MAGI2: variants seen among roughly 807,000 people sequenced by gnomAD.
MAGI2 encodes membrane-associated guanylate kinase, WW and PDZ domain-containing protein 2.
Under a neutral mutation model 133.3 loss-of-function variants are expected in MAGI2, and 35 were observed. That is an observed-to-expected ratio of 0.26 (90% CI 0.20 to 0.35). The LOEUF (loss-of-function observed/expected upper bound fraction) is 0.35, where lower values mean the gene tolerates loss of function less well. Ranked by LOEUF, MAGI2 falls within the 10% of genes least tolerant of loss-of-function variation. The pLI is 1.00. For synonymous variants in MAGI2, 729 were observed against 710.6 expected, an observed-to-expected ratio of 1.03 and a Z score of -0.41; for missense variants, 1,636 against 1,863.4, an observed-to-expected ratio of 0.88 and a Z score of 2.25.
chr7:78,561,446 G>A (rs1401672636), intron 3 of MAGI2, among the ~76,000 whole-genome samples: 1 of 152,198 alleles, frequency 6.6e-6, no homozygotes, highest in African/African-American at 2.4e-5. Flanking sequence ...GTCACAAAGA[G>A]AGTGATCAGA....
intron 2 of MAGI2, among the ~76,000 whole-genome samples, chr7:78,655,454 C>CAAAAAAAAAAAAAAAAAAAAAAAAA: frequency 3.1e-5 from 2 of 64,946 alleles, no homozygotes; most frequent in African/African-American, 6.3e-5. Context: ...AAAAAACAAC[C>CAAAAAAAAAAAAAAAAAAAAAAAAA]AAAAAAAAAA....
At chr7:79,246,556 G>A (rs1832833860) in intron 1 of MAGI2, among the ~76,000 whole-genome samples, 1 of 152,044 alleles carries the variant, frequency 6.6e-6, no homozygotes, top group Admixed American at 6.5e-5. Context: ...TCAACCAAAA[G>A]AATGAATTAG....
intron 1 of MAGI2, among the ~76,000 whole-genome samples, chr7:79,308,769 ACT>A (rs1185603237): frequency 6.6e-6 from 1 of 152,162 alleles, no homozygotes; most frequent in Non-Finnish European, 1.5e-5. Context: ...GTGAAGAATA[ACT>A]CTCAAAGGCT....
intron 1 of MAGI2, among the ~76,000 whole-genome samples, chr7:79,313,397 T>C (rs1838447991): frequency 6.6e-6 from 1 of 152,132 alleles, no homozygotes; most frequent in Admixed American, 6.6e-5. Context: ...ATAGAACTCT[T>C]CCTGTTTCTT....
At chr7:79,405,856 A>C (rs1042223277) in intron 1 of MAGI2, among the ~76,000 whole-genome samples, 2 of 151,454 alleles carry the variant, frequency 1.3e-5, no homozygotes, top group African/African-American at 4.9e-5. Context: ...TTCTGATAAG[A>C]GACACATCAT....
chr7:78,652,227 T>C (rs1186909855), intron 2 of MAGI2, among the ~76,000 whole-genome samples: 1 of 152,172 alleles, frequency 6.6e-6, no homozygotes, highest in Non-Finnish European at 1.5e-5. Context: ...TCTCAAGTGA[T>C]TTCCTCACTT....
At chr7:78,553,887 C>T (rs759267981) in intron 3 of MAGI2, among the ~76,000 whole-genome samples, 7 of 151,998 alleles carry the variant, frequency 4.6e-5, no homozygotes, top group Admixed American at 6.6e-5. Flanking sequence ...GAGTAGGGCC[C>T]GGGGTAGTGG....
chr7:78,895,353 T>C (rs993471923), intron 2 of MAGI2, among the ~76,000 whole-genome samples: 1 of 152,140 alleles, frequency 6.6e-6, no homozygotes, highest in Non-Finnish European at 1.5e-5. Flanking sequence ...CTTTATAAAT[T>C]ACCCAGTCTC....
intron 7 of MAGI2, among the ~76,000 whole-genome samples, chr7:78,368,498 G>A (rs942414884): frequency 6.6e-6 from 1 of 152,094 alleles, no homozygotes; most frequent in Non-Finnish European, 1.5e-5. Flanking sequence ...TTTGGAGAGA[G>A]TTCTAGAAAA....
chr7:78,484,977 C>T (rs966486416), intron 6 of MAGI2: 1 of 151,920 alleles, frequency 6.6e-6, no homozygotes, highest in Non-Finnish European at 1.5e-5. Context: ...TGTGATCCTA[C>T]TGGGTTTAAT....
chr7:78,794,238 C>T (rs1173382698), intron 2 of MAGI2, among the ~76,000 whole-genome samples: 1 of 152,154 alleles, frequency 6.6e-6, no homozygotes, highest in African/African-American at 2.4e-5. Flanking sequence ...CCTGGTTAAT[C>T]CTGAGATGCG....
intron 1 of MAGI2, 62 bp from the exon 2 acceptor site, chr7:79,007,268 A>G: frequency 3.1e-6 from 3 of 955,826 alleles, no homozygotes; most frequent in Non-Finnish European, 5.0e-6. Flanking sequence ...ATGTAATTTG[A>G]TTCTGTCATC....
rs574271010 is a variant in MAGI2 at position 78,839,009 on chromosome 7, T to C, written c.418+168081A>G. Among the ~76,000 whole-genome samples the C allele has an allele frequency of 4.8e-4, 73 of 152,164 alleles. 1 individual carries two copies. The highest frequency in any genetic ancestry group is 1.6e-3 in the African/African-American group (68 of 41,540). Reference sequence around the variant, plus strand: ...GTTTGAAAGTCATCCAGCTTTCTTTTTGTACAAAGTTGTGAATGAAAGTAA... The same window carrying C: ...GTTTGAAAGTCATCCAGCTTTCTTTCTGTACAAAGTTGTGAATGAAAGTAA... On this transcript the variant is annotated intron_variant, in intron 2 of 21. Coordinates refer to ENST00000354212, the MANE Select transcript of MAGI2 (RefSeq NM_012301.4).
chr7:79,318,195 A>G (rs2129561338), intron 1 of MAGI2, among the ~76,000 whole-genome samples: 1 of 152,278 alleles, frequency 6.6e-6, no homozygotes, highest in Non-Finnish European at 1.5e-5. Flanking sequence ...AATCACCTCT[A>G]TATATTCAGG....
rs10526268 is a variant in MAGI2 at position 78,903,172 on chromosome 7, C to CTTTTTTTTTTTTTT, written c.418+103904_418+103917dup. On this transcript the variant is annotated intron_variant, in intron 2 of 21. Transcript: ENST00000354212. ...TTCATGCAAGTGGGAGTTCCTGAAT[C>CTTTTTTTTTTTTTT]TTTTTTTTTTTTTTTTTTTTTTTTT... is the stretch of plus-strand genomic sequence containing the variant. Among the ~76,000 whole-genome samples, 16 of 56,120 alleles carry CTTTTTTTTTTTTTT rather than the reference C, an allele frequency of 2.9e-4. 3 individuals are homozygous for CTTTTTTTTTTTTTT. The highest frequency in any genetic ancestry group is 4.9e-4 in the Non-Finnish European group (15 of 30,844). 36.8% of individuals were successfully genotyped at this position (56,120 alleles called of 152,430 possible). A position where few individuals can be genotyped will look rare whatever the true frequency, so the allele number is the denominator to read the frequency against.
rs61675652 is a variant in MAGI2, at chr7:78,129,935, CAAAAAAAAAAAAA to C, written c.3204-2532_3204-2520del. On this transcript the variant is annotated intron_variant, in intron 18 of 21. Coordinates refer to ENST00000354212, the MANE Select transcript of MAGI2 (RefSeq NM_012301.4). ...GGGCAACAAGAGGGAAACTCCGCCT[CAAAAAAAAAAAAA>C]AAAAAAAAAAAAGAATCACTTCCAG... Among the ~76,000 whole-genome samples the C allele has an allele frequency of 8.8e-5, 5 of 57,142 alleles. No homozygotes were observed. The East Asian group carries it at 3.4e-3, about 38-fold the overall frequency. 37.5% of individuals were successfully genotyped at this position (57,142 alleles called of 152,430 possible).
chr7:79,449,877 C>CATATACATATATATATATATATATATAT (rs1472820472), intron 1 of MAGI2, among the ~76,000 whole-genome samples: 6 of 120,614 alleles, frequency 5.0e-5, no homozygotes, highest in Admixed American at 8.6e-5. Flanking sequence ...GAGATATATA[C>CATATACATATATATATATATATATATAT]ATATATATAT....
chr7:78,345,001 T>C (rs1790753556), intron 8 of MAGI2, among the ~76,000 whole-genome samples: 5 of 152,240 alleles, frequency 3.3e-5, no homozygotes, highest in African/African-American at 2.4e-5. Flanking sequence ...AGCCAAATTG[T>C]ATATGGTAAC....
At chr7:79,288,510 T>C (rs1160501705) in intron 1 of MAGI2, among the ~76,000 whole-genome samples, 2 of 152,206 alleles carry the variant, frequency 1.3e-5, no homozygotes, top group Non-Finnish European at 1.5e-5. Flanking sequence ...GTTTACATTT[T>C]TTGGTACAGT....
Sources: gnomAD v4.1 joint callset for allele counts (sites outside exome capture counted in the v4.1 genomes callset) on GRCh38, gnomAD v4.1.1 for gene constraint, MANE v1.5 for transcripts, NCBI Gene and HGNC (gene_info 2026-07-23, HGNC 2026-07-21) for gene names.